DISC1: variants seen among roughly 807,000 people sequenced by gnomAD.
DISC1 encodes DISC1 scaffold protein.
In DISC1, 57 loss-of-function variants were observed where a neutral mutation model predicts 84.5. That is an observed-to-expected ratio of 0.67 (90% CI 0.55 to 0.84). The LOEUF (loss-of-function observed/expected upper bound fraction) is 0.84. Ranked by LOEUF, DISC1 falls within the 40% of genes least tolerant of loss-of-function variation. The pLI, the probability that DISC1 is intolerant of heterozygous loss-of-function variation, is 0.00. For missense variants in DISC1, 1,000 were observed against 1,057.8 expected (o/e 0.95, Z 0.76); for synonymous variants, 411 against 415.2 (o/e 0.99, Z 0.12).
intron 10 of DISC1, among the ~76,000 whole-genome samples, chr1:231,979,351 T>C (rs577604657): frequency 2.0e-5 from 3 of 152,018 alleles, no homozygotes; most frequent in African/African-American, 7.2e-5. Context: ...AAATAATCTT[T>C]TATGAAACCA....
intron 3 of DISC1, among the ~76,000 whole-genome samples, chr1:231,711,438 C>T (rs1169559507): frequency 6.8e-6 from 1 of 148,076 alleles, no homozygotes; most frequent in Non-Finnish European, 1.5e-5. Context: ...TGGCTCACTG[C>T]AAGCTCCGCC....
intron 1 of DISC1, among the ~76,000 whole-genome samples, chr1:231,683,880 A>G (rs954595927): frequency 6.6e-6 from 1 of 151,834 alleles, no homozygotes; most frequent in Non-Finnish European, 1.5e-5. Context: ...TCTGTACCCA[A>G]GTCCCAGTGG....
chr1:231,662,556 T>TG (rs1181575054), intron 1 of DISC1, among the ~76,000 whole-genome samples: 5 of 152,178 alleles, frequency 3.3e-5, no homozygotes, highest in African/African-American at 7.2e-5. Flanking sequence ...TGCTGCATTG[T>TG]GGGGGGCCCT....
intron 9 of DISC1, among the ~76,000 whole-genome samples, chr1:231,946,297 C>T (rs1422377507): frequency 6.6e-6 from 1 of 152,200 alleles, no homozygotes; most frequent in Non-Finnish European, 1.5e-5. Context: ...GGTTGCAAGG[C>T]TGTTTCAACA....
intron 6 of DISC1, among the ~76,000 whole-genome samples, chr1:231,778,401 C>T (rs2077124168): frequency 6.6e-6 from 1 of 152,152 alleles, no homozygotes; most frequent in Non-Finnish European, 1.5e-5. Flanking sequence ...TGCCTAAAAA[C>T]CCCTCATAAT....
intron 3 of DISC1, among the ~76,000 whole-genome samples, chr1:231,703,268 C>T (rs111621346): frequency 1.8e-4 from 28 of 152,286 alleles, no homozygotes; most frequent in African/African-American, 6.5e-4. Flanking sequence ...CACTTGATTT[C>T]ATAATAACAC....
chr1:231,651,804 C>T (rs1249214596), intron 1 of DISC1, among the ~76,000 whole-genome samples: 1 of 152,248 alleles, frequency 6.6e-6, no homozygotes, highest in Non-Finnish European at 1.5e-5. Flanking sequence ...GGCAGATGCC[C>T]CTCCCTCTGC....
intron 9 of DISC1, among the ~76,000 whole-genome samples, chr1:231,942,722 G>A (rs1243649497): frequency 2.0e-5 from 3 of 152,116 alleles, no homozygotes; most frequent in Non-Finnish European, 4.4e-5. Flanking sequence ...ATGGCCAGAG[G>A]CGCCACATTT....
At chr1:231,985,802 G>C (rs1231841308) in intron 10 of DISC1, among the ~76,000 whole-genome samples, 1 of 152,130 alleles carries the variant, frequency 6.6e-6, no homozygotes. Flanking sequence ...TGACTTTATG[G>C]GTCCCCTGCT....
At chr1:232,000,320 G>T (rs1276996755) in intron 10 of DISC1, among the ~76,000 whole-genome samples, 2 of 152,144 alleles carry the variant, frequency 1.3e-5, no homozygotes, top group Non-Finnish European at 2.9e-5. Flanking sequence ...AAATCTCACT[G>T]CATAGGCTCA....
intron 3 of DISC1, among the ~76,000 whole-genome samples, chr1:231,716,316 C>CA (rs397861600): frequency 0.06 from 4,845 of 80,770 alleles, 170 homozygotes; most frequent in African/African-American, 0.11. Flanking sequence ...TTTCAATCTG[C>CA]AAAAAAAAAA....
At chr1:231,680,172 G>C (rs1371620105) in intron 1 of DISC1, among the ~76,000 whole-genome samples, 1 of 152,180 alleles carries the variant, frequency 6.6e-6, no homozygotes. Context: ...AGGCTGTAGT[G>C]AGCCGAGATC....
intron 9 of DISC1, among the ~76,000 whole-genome samples, chr1:231,906,402 G>A (rs1262059238): frequency 1.3e-5 from 2 of 152,186 alleles, no homozygotes; most frequent in Non-Finnish European, 2.9e-5. Flanking sequence ...CTTGAGGATA[G>A]CATCCCTACT....
At chr1:231,785,837 A>G (rs548240551) in intron 6 of DISC1, among the ~76,000 whole-genome samples, 13 of 152,314 alleles carry the variant, frequency 8.5e-5, no homozygotes, top group African/African-American at 2.9e-4. Context: ...TTCAGCATAA[A>G]GCCTCATATA....
intron 4 of DISC1, among the ~76,000 whole-genome samples, chr1:231,757,741 AC>A (rs1458248576): frequency 6.6e-6 from 1 of 152,086 alleles, no homozygotes; most frequent in Non-Finnish European, 1.5e-5. Context: ...TGCTCAGGCC[AC>A]CCTATAATAG....
intron 10 of DISC1, among the ~76,000 whole-genome samples, chr1:231,962,196 C>T (rs1316816369): frequency 6.6e-6 from 1 of 152,140 alleles, no homozygotes; most frequent in Non-Finnish European, 1.5e-5. Context: ...AGTACCTGTT[C>T]ATATCTTTTG....
chr1:231,632,795 G>A (rs1186828187), intron 1 of DISC1, among the ~76,000 whole-genome samples: 4 of 152,258 alleles, frequency 2.6e-5, no homozygotes, highest in East Asian at 1.9e-4. Flanking sequence ...TTTCAGCCAG[G>A]CGCAGTGGCT....
Position 231,826,214 on chromosome 1 carries a change from C to T in DISC1, c.1981+7697C>T, listed in dbSNP as rs1370703077. Among the ~76,000 whole-genome samples, 2 of 152,060 alleles carry T rather than the reference C, an allele frequency of 1.3e-5. No individual in the cohort carries two copies. Among genetic ancestry groups the T allele is most frequent in the African/African-American group, 4.8e-5 (2 of 41,314 alleles). ...TTTAGGAAGGATCCTGTCACAGAGC[C>T]TTCAGGGGGCAAGGCCACCATCTGA... is the stretch of plus-strand genomic sequence containing the variant. On this transcript the variant is annotated intron_variant, in intron 9 of 12. Transcript: ENST00000439617. This position sits in a 1 kb window ranked among gnomAD's most constrained non-coding sequence, Gnocchi z 4.2.
intron 1 of DISC1, among the ~76,000 whole-genome samples, chr1:231,686,959 A>G (rs561433392): frequency 6.6e-6 from 1 of 152,246 alleles, no homozygotes; most frequent in Non-Finnish European, 1.5e-5. Flanking sequence ...TCTTTGCTAA[A>G]ACATAACAAG....
Sources: gnomAD v4.1 joint callset for allele counts (sites outside exome capture counted in the v4.1 genomes callset) on GRCh38, gnomAD v4.1.1 for gene constraint, Gnocchi (gnomAD v3.1) non-coding constraint, MANE v1.5 for transcripts, NCBI Gene and HGNC (gene_info 2026-07-23, HGNC 2026-07-21) for gene names.